Variants in CHODL observed in about 807,000 individuals in gnomAD.
CHODL encodes the protein transmembrane protein MT75.
Under a neutral mutation model 34.5 loss-of-function variants are expected in CHODL, and 29 were observed. The observed-to-expected ratio is 0.84, with a 90% CI of 0.63 to 1.15. The LOEUF is 1.15. Among genes scored for constraint, CHODL ranks in the 50% most tolerant of loss-of-function variants. The pLI is 0.00. For missense variants in CHODL, 332 were observed against 332.5 expected (o/e 1.00, Z 0.01); for synonymous variants, 125 against 116.1 (o/e 1.08, Z -0.49).
Position 18,069,181 on chromosome 21 carries a change from A to AT in CHODL, c.-45+41211dup, listed in dbSNP as rs561833143. Reference sequence around the variant, plus strand: ...GGGGGAAACATAATGAAATTTCAGAATAATAATAAAAGGTTTCTAAGACCT... The same window carrying AT: ...GGGGGAAACATAATGAAATTTCAGAATTAATAATAAAAGGTTTCTAAGACCT... On this transcript the variant is annotated intron_variant, in intron 2 of 6. Coordinates refer to the CHODL transcript ENST00000400127. Among the ~76,000 whole-genome samples the AT allele has an allele frequency of 8.5e-5, 13 of 152,326 alleles. No individual in the cohort carries two copies. The East Asian group carries it at 2.1e-3, about 25-fold the overall frequency.
At chr21:18,076,441 T>C (rs1202256969) in intron 2 of CHODL, among the ~76,000 whole-genome samples, 1 of 152,206 alleles carries the variant, frequency 6.6e-6, no homozygotes, top group Non-Finnish European at 1.5e-5. Flanking sequence ...TGAGAAAATA[T>C]CTAAGCAAAA....
intron 2 of CHODL, among the ~76,000 whole-genome samples, chr21:18,194,284 T>C (rs1212592422): frequency 6.6e-6 from 1 of 152,184 alleles, no homozygotes; most frequent in African/African-American, 2.4e-5. Flanking sequence ...TAAAATAAAA[T>C]AGATTTCCTA....
intron 2 of CHODL, among the ~76,000 whole-genome samples, chr21:18,211,803 A>G (rs73202996): frequency 0.13 from 19,366 of 152,202 alleles, 1,400 homozygotes; most frequent in African/African-American, 0.18. Flanking sequence ...ATCATTGCAC[A>G]AAGTTTTATT....
chr21:18,061,032 A>G (rs1283447087), intron 2 of CHODL, among the ~76,000 whole-genome samples: 1 of 152,178 alleles, frequency 6.6e-6, no homozygotes, highest in Non-Finnish European at 1.5e-5. Context: ...GTGAGGCCGA[A>G]GTTCTTTCAG....
intron 2 of CHODL, among the ~76,000 whole-genome samples, chr21:18,197,744 T>C (rs1211908911): frequency 1.3e-5 from 2 of 152,188 alleles, no homozygotes; most frequent in Admixed American, 1.3e-4. Context: ...CTGGGTGCCA[T>C]TTTGAATTCC....
chr21:18,247,988 G>C (rs918391569), intron 1 of CHODL, among the ~76,000 whole-genome samples: 1 of 151,430 alleles, frequency 6.6e-6, no homozygotes, highest in Non-Finnish European at 1.5e-5. Context: ...AACATTTGAA[G>C]TGTTTTGAAG....
intron 2 of CHODL, among the ~76,000 whole-genome samples, chr21:18,225,235 G>GATA: frequency 6.6e-6 from 1 of 152,066 alleles, no homozygotes; most frequent in East Asian, 1.9e-4. Flanking sequence ...GTTAAGAGGT[G>GATA]ATATATTTAA....
chr21:18,003,164 C>G (rs1019639890), intron 1 of CHODL, among the ~76,000 whole-genome samples: 1 of 150,182 alleles, frequency 6.7e-6, no homozygotes, highest in Non-Finnish European at 1.5e-5. Context: ...GCCCTGGAGG[C>G]GTTCAACTTC....
chr21:18,208,698 A>G (rs978388372), intron 2 of CHODL, among the ~76,000 whole-genome samples: 1 of 152,114 alleles, frequency 6.6e-6, no homozygotes, highest in Admixed American at 6.5e-5. Flanking sequence ...CACTGCAGCC[A>G]TATCTGCATT....
intron 2 of CHODL, among the ~76,000 whole-genome samples, chr21:18,133,488 A>C (rs1435723780): frequency 1.3e-5 from 2 of 152,096 alleles, no homozygotes; most frequent in Non-Finnish European, 2.9e-5. Context: ...CACACATACT[A>C]TTTGCATGGG....
chr21:18,072,529 A>G (rs902743988), intron 2 of CHODL, among the ~76,000 whole-genome samples: 8 of 152,180 alleles, frequency 5.3e-5, no homozygotes, highest in Non-Finnish European at 1.2e-4. Flanking sequence ...AGTTATATTG[A>G]ATATAGGAAT....
intron 1 of CHODL, among the ~76,000 whole-genome samples, chr21:17,965,977 G>A (rs2046539727): frequency 6.7e-6 from 1 of 149,736 alleles, no homozygotes; most frequent in Non-Finnish European, 1.5e-5. Context: ...ATGGATTGTG[G>A]TTATGATACA....
intron 2 of CHODL, among the ~76,000 whole-genome samples, chr21:18,229,971 A>C (rs1450164092): frequency 6.6e-6 from 1 of 152,096 alleles, no homozygotes; most frequent in Non-Finnish European, 1.5e-5. Context: ...CAGCGACTTG[A>C]CTGTCAAATC....
chr21:18,131,708 A>G (rs2072657111), intron 2 of CHODL, among the ~76,000 whole-genome samples: 1 of 152,058 alleles, frequency 6.6e-6, no homozygotes, highest in South Asian at 2.1e-4. Context: ...GCAGTCACTC[A>G]TTGCTTGTTG....
At position 18,211,188 on chromosome 21, in the gene CHODL, C is replaced by T. The variant is rs552192178; in HGVS notation, c.-44-45321C>T. On this transcript the variant is annotated intron_variant, in intron 2 of 6. Coordinates refer to the CHODL transcript ENST00000400127. ...CACACACTCACACTCACACCCTGGCCGCATTCCTGCTGTATTTTGTTCCAT... is the reference window on the plus strand; with the variant it reads ...CACACACTCACACTCACACCCTGGCTGCATTCCTGCTGTATTTTGTTCCAT... 7.6e-5 allele frequency among the ~76,000 whole-genome samples: 11 copies of T among 144,172 alleles called. No homozygotes were observed. In the East Asian group the frequency reaches 7.8e-4, roughly 10 times the overall value. 94.6% of individuals were successfully genotyped at this position (144,172 alleles called of 152,430 possible). A position where few individuals can be genotyped will look rare whatever the true frequency, so the allele number is the denominator to read the frequency against.
At chr21:18,168,831 A>G (rs996751167) in intron 2 of CHODL, among the ~76,000 whole-genome samples, 1 of 152,210 alleles carries the variant, frequency 6.6e-6, no homozygotes, top group Non-Finnish European at 1.5e-5. Context: ...TCTAAGAAAC[A>G]TTGACTAATA....
intron 1 of CHODL, among the ~76,000 whole-genome samples, chr21:17,985,314 T>G (rs17769032): frequency 0.074 from 11,218 of 152,272 alleles, 564 homozygotes; most frequent in Middle Eastern, 0.12. Context: ...TATTAATTTA[T>G]GGACAATTCC....
intron 1 of CHODL, among the ~76,000 whole-genome samples, chr21:17,945,977 CAA>C (rs1405596935): frequency 1.3e-5 from 2 of 151,848 alleles, no homozygotes; most frequent in African/African-American, 2.4e-5. Flanking sequence ...AAAAAGTCAA[CAA>C]AGAGTACTTT....
chr21:17,997,695 T>A (rs2063864035), intron 1 of CHODL, among the ~76,000 whole-genome samples: 1 of 152,082 alleles, frequency 6.6e-6, no homozygotes, highest in Non-Finnish European at 1.5e-5. Flanking sequence ...GAGGAAAAAG[T>A]GAAAACGGAA....
Sources: allele counts gnomAD v4.1 joint callset (sites outside exome capture counted in the v4.1 genomes callset), GRCh38; gene constraint gnomAD v4.1.1; transcripts MANE v1.5; gene names NCBI Gene and HGNC (gene_info 2026-07-23, HGNC 2026-07-21).